The following KLHL42 variants were observed in gnomAD, a reference collection of about 807,000 sequenced individuals.
KLHL42 encodes the protein kelch like family member 42, also known as kelch-like protein 42.
A neutral mutation model predicts 32.7 loss-of-function variants in KLHL42; 27 were observed. That is an observed-to-expected ratio of 0.83 (90% CI 0.61 to 1.14). The LOEUF (loss-of-function observed/expected upper bound fraction) is 1.14. Among genes scored for constraint, KLHL42 ranks in the 50% most tolerant of loss-of-function variants. The probability of loss-of-function intolerance (pLI) is 0.00; values close to 1 mark genes in which losing one functional copy is unlikely to be tolerated. For synonymous variants in KLHL42, 267 were observed against 248.2 expected (o/e 1.08, Z -0.71); for missense variants, 491 against 560.8 (o/e 0.88, Z 1.26).
chr12:27,782,111 C>T (rs148668079), intron 1 of KLHL42, among the ~76,000 whole-genome samples: 3 of 152,316 alleles, frequency 2.0e-5, no homozygotes, highest in Admixed American at 1.3e-4. Flanking sequence ...TTCCCATCCA[C>T]GTGTTTCCAT....
chr12:27,789,667 C>T (rs2062187906), intron 1 of KLHL42, among the ~76,000 whole-genome samples: 1 of 152,116 alleles, frequency 6.6e-6, no homozygotes. Context: ...TGTTTACAAG[C>T]TTTATTTCCT....
chr12:27,782,280 C>G (rs1310364516), intron 1 of KLHL42, among the ~76,000 whole-genome samples: 1 of 152,128 alleles, frequency 6.6e-6, no homozygotes, highest in South Asian at 2.1e-4. Context: ...GGGGAAATAA[C>G]TGGCTTTATT....
At position 27,780,771 on chromosome 12, in the gene KLHL42, G is replaced by A. The variant is rs754799256; in HGVS notation, c.441G>A (p.Glu147=). 1.9e-6 allele frequency: 3 copies of A among 1,613,350 alleles called. No individual in the cohort carries two copies. The East Asian group carries it at 6.7e-5, about 36-fold the overall frequency. ...AQVYGLPDLQ[E]ACLRFMVVHF... ...TGTACGGGCTGCCCGACCTGCAGGAGGCCTGCCTGCGCTTCATGGTCGTCC... is the reference window on the plus strand; with the variant it reads ...TGTACGGGCTGCCCGACCTGCAGGAAGCCTGCCTGCGCTTCATGGTCGTCC... Residue 147 remains glutamate, a synonymous_variant, in exon 1 of 3, where the codon GAG becomes GAA. Coordinates refer to ENST00000381271, the MANE Select transcript of KLHL42 (RefSeq NM_020782.2). This position sits in a 1 kb window ranked among gnomAD's most constrained non-coding sequence, Gnocchi z 8.8.
At chr12:27,784,463 T>C (rs990912171) in intron 1 of KLHL42, among the ~76,000 whole-genome samples, 3 of 152,012 alleles carry the variant, frequency 2.0e-5, no homozygotes, top group East Asian at 3.8e-4. Context: ...TTAAATTTTG[T>C]TGAAGCTGGG....
chr12:27,793,148 CTG>C (rs2062204476), intron 2 of KLHL42, among the ~76,000 whole-genome samples: 1 of 152,132 alleles, frequency 6.6e-6, no homozygotes, highest in Non-Finnish European at 1.5e-5. Context: ...TGGCTCATGA[CTG>C]TAATCCAGCA....
intron 1 of KLHL42, 117 bp from the exon 2 acceptor site, chr12:27,791,591 C>A: frequency 1.1e-6 from 1 of 891,230 alleles, no homozygotes; most frequent in Non-Finnish European, 1.8e-6. Context: ...GAATGGCCCC[C>A]AACTGGGAGA....
intron 2 of KLHL42, among the ~76,000 whole-genome samples, chr12:27,793,838 C>T (rs1184263177): frequency 6.6e-6 from 1 of 152,162 alleles, no homozygotes; most frequent in Non-Finnish European, 1.5e-5. Context: ...CTTTGTGGTA[C>T]CATATGGGCA....
chr12:27,780,713 A>G lies in KLHL42; in HGVS notation c.383A>G (p.Asn128Ser), dbSNP rs760284548. The change falls in exon 1 of 3, where the codon AAT (asparagine) becomes AGT (serine). Residue 128 changes from asparagine (N) to serine (S), a missense_variant. Physicochemically the swap from Asn to Ser is conservative, Grantham distance 46. Around this residue, in one of 4 missense-constraint regions of KLHL42, gnomAD observed 248 missense variants for 329.2 expected, o/e 0.75. Transcript: ENST00000381271. The surrounding 1 kb of genome is among the most constrained non-coding windows in gnomAD (Gnocchi z 8.8). ...CTGCTGCTGTCCCAGGTGCGGCTCA[A>G]TAACTGCCTGGAGATGTACCGCCTG... ...LQLLLSQVRL[N>S]NCLEMYRLAQ... 1.7e-5 allele frequency: 27 copies of G among 1,612,132 alleles called. No homozygotes were observed. The highest frequency in any genetic ancestry group is 5.5e-5 in the South Asian group (5 of 91,048).
chr12:27,796,765 A>G (rs2062220409), intron 2 of KLHL42, among the ~76,000 whole-genome samples: 1 of 152,012 alleles, frequency 6.6e-6, no homozygotes, highest in Non-Finnish European at 1.5e-5. Flanking sequence ...TCCAAGTAGC[A>G]GCTGGTACCA....
intron 2 of KLHL42, among the ~76,000 whole-genome samples, chr12:27,795,679 C>T (rs2062215400): frequency 6.6e-6 from 1 of 152,080 alleles, no homozygotes; most frequent in African/African-American, 2.4e-5. Flanking sequence ...TCAAGTGAGA[C>T]TTTTAAAATT....
intron 2 of KLHL42, chr12:27,797,134 C>CA (rs543472917): frequency 0.13 from 44,368 of 347,492 alleles, 800 homozygotes; most frequent in South Asian, 0.19. Flanking sequence ...TAAAAAAAAA[C>CA]AAAAAAAAAA....
At chr12:27,791,020 C>T (rs962328578) in intron 1 of KLHL42, among the ~76,000 whole-genome samples, 8 of 152,188 alleles carry the variant, frequency 5.3e-5, no homozygotes, top group Non-Finnish European at 8.8e-5. Context: ...ATGACTGTGC[C>T]ACTGCAGTCT....
chr12:27,780,236 C>G lies in KLHL42; in HGVS notation c.-95C>G. The G allele has an allele frequency of 8.2e-7, 1 of 1,216,056 alleles. No individual in the cohort carries two copies. The highest frequency in any genetic ancestry group is 1.1e-6 in the Non-Finnish European group (1 of 944,050). 75.3% of individuals were successfully genotyped at this position (1,216,056 alleles called of 1,614,324 possible). ...TCGCCGCTCCTCCCGGGCCGCCATC[C>G]CTCGGCGCCCCGCCCGGAACCGGCG... On this transcript the variant is annotated 5_prime_UTR_variant, in exon 1 of 3. Transcript: ENST00000381271. This position sits in a 1 kb window ranked among gnomAD's most constrained non-coding sequence, Gnocchi z 8.8.
chr12:27,799,852 C>G lies in KLHL42; in HGVS notation c.*1686C>G, dbSNP rs930110123. ...ATCTTGTCACCAAATAATCTTACCT[C>G]TAGTCTACTTACAACTTTGTAAGGG... On this transcript the variant is annotated 3_prime_UTR_variant, in exon 3 of 3. Coordinates refer to ENST00000381271, the MANE Select transcript of KLHL42 (RefSeq NM_020782.2). 3.0e-6 allele frequency: 1 copy of G among 329,878 alleles called. No homozygotes were observed. Among genetic ancestry groups the G allele is most frequent in the Non-Finnish European group, 4.3e-6 (1 of 230,602 alleles). 20.4% of individuals were successfully genotyped at this position (329,878 alleles called of 1,614,324 possible).
In KLHL42 at chr12:27,799,128, C is replaced by A. The variant is rs1473729077; in HGVS notation, c.*962C>A. 6.6e-6 allele frequency: 1 copy of A among 152,524 alleles called. No homozygotes were observed. The highest frequency in any genetic ancestry group is 1.5e-5 in the Non-Finnish European group (1 of 68,034). 9.4% of individuals were successfully genotyped at this position (152,524 alleles called of 1,614,324 possible). ...TAAGTCGGCAGCTTTCTAATTTAAT[C>A]TTAGCTTTGTAATTCATGTTTTGCT... On this transcript the variant is annotated 3_prime_UTR_variant, in exon 3 of 3. Coordinates refer to ENST00000381271, the MANE Select transcript of KLHL42 (RefSeq NM_020782.2).
Position 27,781,111 on chromosome 12 carries a change from T to C in KLHL42, c.781T>C (p.Tyr261His). 6.2e-7 allele frequency: 1 copy of C among 1,614,076 alleles called. No homozygotes were observed. Among genetic ancestry groups the C allele is most frequent in the Non-Finnish European group, 8.5e-7 (1 of 1,180,008 alleles). Residue 261 changes from tyrosine to histidine, a missense_variant, in exon 1 of 3, where the codon TAC becomes CAC. By Grantham distance (83) the Tyr-to-His change is moderately conservative. Coordinates refer to ENST00000381271, the MANE Select transcript of KLHL42 (RefSeq NM_020782.2). ...CAACTACCTCTTCATAGTGGGCGGG[T>C]ACAGGATCACTAGCCAGGAGATCTC... The part of the protein sequence containing the change: ...LDNYLFIVGG[Y>H]RITSQEISAA...
chr12:27,800,994 C>T lies in KLHL42; in HGVS notation c.*2828C>T, dbSNP rs1300447821. ...AGGTTGGTTCTTCCTGTTATTCTCTCTGGCTTTCCTTTCAACCCACTTATT... is the reference window on the plus strand; with the variant it reads ...AGGTTGGTTCTTCCTGTTATTCTCTTTGGCTTTCCTTTCAACCCACTTATT... On this transcript the variant is annotated 3_prime_UTR_variant, in exon 3 of 3. Coordinates refer to ENST00000381271, the MANE Select transcript of KLHL42 (RefSeq NM_020782.2). 1 of 152,344 alleles carries T rather than the reference C, an allele frequency of 6.6e-6. No homozygotes were observed. Among genetic ancestry groups the T allele is most frequent in the Non-Finnish European group, 1.5e-5 (1 of 68,056 alleles). The allele number at this position is 152,344 out of a possible 1,614,324, so 9.4% of individuals were successfully genotyped here.
rs1052742861 is a variant in KLHL42 at position 27,799,967 on chromosome 12, T to C, written c.*1801T>C. 2.0e-5 allele frequency: 18 copies of C among 891,228 alleles called. No homozygotes were observed. In the African/African-American group the frequency reaches 2.9e-4, roughly 14 times the overall value. The allele number at this position is 891,228 out of a possible 1,614,324, so 55.2% of individuals were successfully genotyped here. A position where few individuals can be genotyped will look rare whatever the true frequency, so the allele number is the denominator to read the frequency against. On this transcript the variant is annotated 3_prime_UTR_variant, in exon 3 of 3. Transcript: ENST00000381271. ...AAATCTTCCCAGGAATAGTACTTAA[T>C]AGATTTTAATGTTAATTTATATTCA...
At chr12:27,797,098 G>T (rs972454509) in intron 2 of KLHL42, 22 of 382,426 alleles carry the variant, frequency 5.8e-5, no homozygotes, top group South Asian at 4.4e-4. Context: ...GGAAACTAAG[G>T]CTAGGCATGG....
Sources: gnomAD v4.1 joint callset for allele counts (sites outside exome capture counted in the v4.1 genomes callset) on GRCh38, gnomAD v4.1.1 for gene constraint, gnomAD v4.1.1 regional missense constraint, Gnocchi (gnomAD v3.1) non-coding constraint, MANE v1.5 for transcripts, NCBI Gene and HGNC (gene_info 2026-07-23, HGNC 2026-07-21) for gene names.